The following NRG3 variants were observed in gnomAD, a reference collection of about 807,000 sequenced individuals.
NRG3 encodes pro-neuregulin-3, membrane-bound isoform.
NRG3 carries 31 observed loss-of-function variants against 66.9 expected under a neutral mutation model. The ratio of observed to expected loss-of-function variants is 0.46; its 90% CI spans 0.35 to 0.63. NRG3 has a LOEUF of 0.63. Among genes scored for constraint, NRG3 ranks in the 20% least tolerant of loss-of-function variants. NRG3 has a pLI of 0.00. For synonymous variants in NRG3, 393 were observed against 359.4 expected (o/e 1.09, Z -1.06); for missense variants, 910 against 878.9 (o/e 1.04, Z -0.45).
intron 1 of NRG3, among the ~76,000 whole-genome samples, chr10:82,182,004 T>C (rs2073453692): frequency 6.6e-6 from 1 of 151,986 alleles, no homozygotes; most frequent in African/African-American, 2.4e-5. Context: ...CATTATATAA[T>C]ATCCTTGCTC....
At chr10:82,262,845 C>T (rs192137637) in intron 1 of NRG3, among the ~76,000 whole-genome samples, 59 of 152,244 alleles carry the variant, frequency 3.9e-4, no homozygotes, top group Non-Finnish European at 6.8e-4. Context: ...TAAATAGAGG[C>T]TCAGAGAGTT....
rs537716934 is a variant in NRG3 at position 82,789,045 on chromosome 10, A to C, written c.1027+50395A>C. Among the ~76,000 whole-genome samples, 30 of 152,246 alleles carry C rather than the reference A, an allele frequency of 2.0e-4. No individual in the cohort carries two copies. The East Asian group carries it at 5.6e-3, about 28-fold the overall frequency. The stretch of plus-strand genomic sequence containing the variant: ...GAATATATATACTCAAAAGGAATAG[A>C]GTGCTGGGTCATCTGGCAACTCCAT... On this transcript the variant is annotated intron_variant, in intron 3 of 8. Transcript: ENST00000372141.
At chr10:82,561,101 A>T (rs945429200) in intron 2 of NRG3, among the ~76,000 whole-genome samples, 1 of 152,142 alleles carries the variant, frequency 6.6e-6, no homozygotes, top group African/African-American at 2.4e-5. Flanking sequence ...TAAAGTGTCC[A>T]TCTCTTCCTA....
At chr10:82,128,300 G>T (rs1349451961) in intron 1 of NRG3, among the ~76,000 whole-genome samples, 1 of 151,788 alleles carries the variant, frequency 6.6e-6, no homozygotes. Context: ...TTTTTCTAAG[G>T]ACTGTCATAA....
chr10:82,821,898 C>T (rs186851166), intron 3 of NRG3, among the ~76,000 whole-genome samples: 2 of 152,260 alleles, frequency 1.3e-5, no homozygotes, highest in Admixed American at 6.5e-5. Context: ...AATTACTCTT[C>T]TGAATATGGT....
chr10:82,591,100 CTT>C (rs1173322702), intron 2 of NRG3, among the ~76,000 whole-genome samples: 4 of 152,174 alleles, frequency 2.6e-5, no homozygotes, highest in Non-Finnish European at 4.4e-5. Flanking sequence ...ATTTCATATT[CTT>C]TTCACTAGTG....
intron 4 of NRG3, among the ~76,000 whole-genome samples, chr10:82,909,289 A>G (rs114498219): frequency 0.014 from 2,117 of 152,314 alleles, 58 homozygotes; most frequent in African/African-American, 0.049. Flanking sequence ...ACTTTAACAT[A>G]ATGAATCTTA....
chr10:82,561,831 G>T (rs575510947), intron 2 of NRG3, among the ~76,000 whole-genome samples: 1 of 152,232 alleles, frequency 6.6e-6, no homozygotes, highest in South Asian at 2.1e-4. Context: ...AAATTGAGAG[G>T]AAAAGACATA....
At chr10:82,460,298 G>T (rs1368804916) in intron 2 of NRG3, among the ~76,000 whole-genome samples, 1 of 152,106 alleles carries the variant, frequency 6.6e-6, no homozygotes, top group Non-Finnish European at 1.5e-5. Context: ...TTCGTTATTT[G>T]CTTTGACTTC....
At chr10:82,374,240 A>T (rs1338484535) in intron 2 of NRG3, among the ~76,000 whole-genome samples, 1 of 152,204 alleles carries the variant, frequency 6.6e-6, no homozygotes, top group Non-Finnish European at 1.5e-5. Flanking sequence ...CCTTGTGTTC[A>T]TGTTAAATAT....
intron 1 of NRG3, among the ~76,000 whole-genome samples, chr10:82,301,432 G>A (rs1470873160): frequency 2.0e-5 from 3 of 151,936 alleles, no homozygotes; most frequent in Non-Finnish European, 2.9e-5. Context: ...TTGCAGGCAC[G>A]ACAGCAATAG....
intron 3 of NRG3, among the ~76,000 whole-genome samples, chr10:82,830,307 C>T (rs1217328129): frequency 2.6e-5 from 4 of 152,174 alleles, no homozygotes; most frequent in Admixed American, 2.6e-4. Flanking sequence ...CTGTCCAAAA[C>T]AATGTAGACA....
intron 2 of NRG3, among the ~76,000 whole-genome samples, chr10:82,582,090 A>G (rs1478509365): frequency 6.6e-6 from 1 of 152,076 alleles, no homozygotes; most frequent in Non-Finnish European, 1.5e-5. Context: ...CTAGGAATTC[A>G]GCATCTAGGC....
intron 2 of NRG3, among the ~76,000 whole-genome samples, chr10:82,455,245 G>T (rs12241819): frequency 0.42 from 63,943 of 152,012 alleles, 16,264 homozygotes; most frequent in African/African-American, 0.71. Context: ...TTAAATGATT[G>T]TGTTGTGCAA....
chr10:82,842,347 G>T (rs2063098593), intron 3 of NRG3, among the ~76,000 whole-genome samples: 1 of 152,168 alleles, frequency 6.6e-6, no homozygotes, highest in African/African-American at 2.4e-5. Context: ...CTTACCGAAT[G>T]ATCAATACAC....
intron 2 of NRG3, among the ~76,000 whole-genome samples, chr10:82,536,302 A>G (rs1847808030): frequency 6.6e-6 from 1 of 152,232 alleles, no homozygotes; most frequent in Admixed American, 6.5e-5. Flanking sequence ...ACAAGAAGAA[A>G]GCAAAAAGCA....
chr10:82,760,797 AT>A (rs1028384646), intron 3 of NRG3, among the ~76,000 whole-genome samples: 1 of 152,022 alleles, frequency 6.6e-6, no homozygotes, highest in African/African-American at 2.4e-5. Flanking sequence ...ATTTTAACAG[AT>A]TTTTTAATAA....
chr10:82,331,278 A>G (rs2082123287), intron 1 of NRG3, among the ~76,000 whole-genome samples: 1 of 152,182 alleles, frequency 6.6e-6, no homozygotes, highest in South Asian at 2.1e-4. Flanking sequence ...GTGATTTGAT[A>G]GCTTCCTCAG....
intron 2 of NRG3, among the ~76,000 whole-genome samples, chr10:82,586,618 A>G (rs2046685662): frequency 6.6e-6 from 1 of 152,224 alleles, no homozygotes; most frequent in Non-Finnish European, 1.5e-5. Flanking sequence ...AATATTGCTT[A>G]GAACAGTACT....
Sources: allele counts gnomAD v4.1 joint callset (sites outside exome capture counted in the v4.1 genomes callset), GRCh38; gene constraint gnomAD v4.1.1; transcripts MANE v1.5; gene names NCBI Gene and HGNC (gene_info 2026-07-23, HGNC 2026-07-21).